Variants in FOXP1 observed in about 807,000 individuals in gnomAD.
FOXP1 encodes the protein forkhead box protein P1.
In FOXP1, 15 loss-of-function variants were observed where a neutral mutation model predicts 98.2. The observed-to-expected ratio is 0.15, with a 90% confidence interval of 0.10 to 0.24. The LOEUF (loss-of-function observed/expected upper bound fraction) is 0.24. Among genes scored for constraint, FOXP1 ranks in the 10% least tolerant of loss-of-function variants. The pLI is 1.00. For synonymous variants in FOXP1, 371 were observed against 314.5 expected (o/e 1.18, Z -1.90); for missense variants, 633 against 848.5 (o/e 0.75, Z 3.15).
chr3:71,263,031 A>G (rs1307420099), intron 5 of FOXP1, among the ~76,000 whole-genome samples: 2 of 152,208 alleles, frequency 1.3e-5, no homozygotes, highest in Non-Finnish European at 2.9e-5. Flanking sequence ...AGTGCCTGGA[A>G]GAGTTCAGGA....
intron 2 of FOXP1, among the ~76,000 whole-genome samples, chr3:71,557,020 T>C (rs2107704749): frequency 6.6e-6 from 1 of 152,330 alleles, no homozygotes; most frequent in East Asian, 1.9e-4. Context: ...GATATAATGT[T>C]AAGTGAAAAT....
chr3:71,474,344 A>G (rs146051980), intron 3 of FOXP1, among the ~76,000 whole-genome samples: 1 of 152,350 alleles, frequency 6.6e-6, no homozygotes, highest in East Asian at 1.9e-4. Context: ...GTTTTTGAAG[A>G]AAGATAAATT....
rs190630763 is a variant in FOXP1 at position 71,309,372 on chromosome 3, C to T, written c.-72-9492G>A. Among the ~76,000 whole-genome samples the T allele has an allele frequency of 9.2e-5, 14 of 151,530 alleles. No individual in the cohort carries two copies. The South Asian group carries it at 2.7e-3, about 29-fold the overall frequency. On this transcript the variant is annotated intron_variant, in intron 4 of 20. Coordinates refer to ENST00000649528, the MANE Select transcript of FOXP1 (RefSeq NM_001349338.3). ...AATATTTTTATGAACACACTGTTGA[C>T]TTCACAAGTTTATAACGTAATTTTT... is the stretch of plus-strand genomic sequence containing the variant.
At chr3:71,294,783 T>C (rs370894426) in intron 5 of FOXP1, among the ~76,000 whole-genome samples, 5 of 152,222 alleles carry the variant, frequency 3.3e-5, no homozygotes, top group African/African-American at 1.2e-4. Context: ...CTGGGCCTTA[T>C]GACCACAATC....
intron 3 of FOXP1, among the ~76,000 whole-genome samples, chr3:71,370,786 GT>G (rs1219667896): frequency 1.5e-5 from 2 of 135,988 alleles, no homozygotes; most frequent in African/African-American, 5.2e-5. Context: ...CAACCCTAGA[GT>G]TTTTTTTGTT....
chr3:71,479,204 T>C (rs529310871), intron 3 of FOXP1, among the ~76,000 whole-genome samples: 1 of 152,198 alleles, frequency 6.6e-6, no homozygotes, highest in Non-Finnish European at 1.5e-5. Context: ...TTACCACCTT[T>C]ACTTCTACAC....
chr3:71,489,082 T>C lies in FOXP1; in HGVS notation c.-168+4344A>G, dbSNP rs1275583898. Among the ~76,000 whole-genome samples the C allele has an allele frequency of 1.3e-5, 2 of 152,094 alleles. 1 individual carries two copies. The highest frequency in any genetic ancestry group is 3.9e-4 in the East Asian group (2 of 5,176). On this transcript the variant is annotated intron_variant, in intron 3 of 20. Transcript: ENST00000649528. ...GCCCAAGGTACCTGCCAGCTGCACATACCTTCTGGAAGCTGCGCCACCACC... is the reference window on the plus strand; with the variant it reads ...GCCCAAGGTACCTGCCAGCTGCACACACCTTCTGGAAGCTGCGCCACCACC...
intron 20 of FOXP1, among the ~76,000 whole-genome samples, chr3:70,963,758 C>T (rs751597231): frequency 1.3e-5 from 2 of 152,140 alleles, no homozygotes; most frequent in South Asian, 2.1e-4. Context: ...GCTCCTTTAG[C>T]GCCTATCAGG....
At chr3:71,040,345 G>A (rs1233956329) in intron 11 of FOXP1, 1 of 152,116 alleles carries the variant, frequency 6.6e-6, no homozygotes, top group East Asian at 1.9e-4. Flanking sequence ...GAGAGAAATG[G>A]CATTTACTGT....
intron 11 of FOXP1, among the ~76,000 whole-genome samples, chr3:71,033,584 C>A (rs2047158270): frequency 7.4e-6 from 1 of 136,030 alleles, no homozygotes; most frequent in Non-Finnish European, 1.5e-5. Flanking sequence ...TGTTTAATCA[C>A]CCCACAAAGT....
At chr3:71,055,476 G>C (rs1363612299) in intron 7 of FOXP1, among the ~76,000 whole-genome samples, 1 of 152,134 alleles carries the variant, frequency 6.6e-6, no homozygotes, top group Non-Finnish European at 1.5e-5. Context: ...ATTTTCATAT[G>C]CAAAATGGGA....
intron 2 of FOXP1, among the ~76,000 whole-genome samples, chr3:71,516,302 G>A (rs1386358587): frequency 6.6e-6 from 1 of 152,174 alleles, no homozygotes; most frequent in South Asian, 2.1e-4. Flanking sequence ...GTGCACACGT[G>A]TGTGTATCTG....
At chr3:71,550,878 C>G in intron 2 of FOXP1, among the ~76,000 whole-genome samples, 1 of 152,300 alleles carries the variant, frequency 6.6e-6, no homozygotes, top group Non-Finnish European at 1.5e-5. Flanking sequence ...CCGAGAGGCC[C>G]CCTTCAAACA....
At chr3:71,396,916 GTGTATATATA>G (rs1400641777) in intron 3 of FOXP1, among the ~76,000 whole-genome samples, 1 of 89,394 alleles carries the variant, frequency 1.1e-5, no homozygotes, top group Non-Finnish European at 2.3e-5. Flanking sequence ...ATATATATGT[GTGTATATATA>G]TATATATACA....
intron 16 of FOXP1, 120 bp from the exon 17 acceptor site, chr3:70,977,162 C>A: frequency 1.4e-6 from 1 of 725,962 alleles, no homozygotes; most frequent in Non-Finnish European, 2.5e-6. Flanking sequence ...AAAGGTTTTA[C>A]AAAATGATCT....
At chr3:71,512,347 C>T (rs2042259109) in intron 2 of FOXP1, among the ~76,000 whole-genome samples, 1 of 152,134 alleles carries the variant, frequency 6.6e-6, no homozygotes, top group African/African-American at 2.4e-5. Flanking sequence ...TAAGAGCAGA[C>T]ACACCCTGTA....
At chr3:71,199,215 C>T (rs149216041) in intron 5 of FOXP1, among the ~76,000 whole-genome samples, 24,051 of 151,748 alleles carry the variant, frequency 0.16, 2,255 homozygotes, top group Middle Eastern at 0.3. Flanking sequence ...AGCAATTCTC[C>T]TGCTTCAGAC....
intron 3 of FOXP1, among the ~76,000 whole-genome samples, chr3:71,475,062 C>G (rs2089704348): frequency 6.6e-6 from 1 of 152,082 alleles, no homozygotes; most frequent in African/African-American, 2.4e-5. Flanking sequence ...TTTCTCTTCT[C>G]CATCCTATGG....
intron 5 of FOXP1, among the ~76,000 whole-genome samples, chr3:71,210,328 T>G (rs1005570837): frequency 6.6e-6 from 1 of 152,194 alleles, no homozygotes; most frequent in Non-Finnish European, 1.5e-5. Context: ...TGTTTTTGTT[T>G]TGTTGCTCTG....
Sources: allele counts gnomAD v4.1 joint callset (sites outside exome capture counted in the v4.1 genomes callset), GRCh38; gene constraint gnomAD v4.1.1; transcripts MANE v1.5; gene names NCBI Gene and HGNC (gene_info 2026-07-23, HGNC 2026-07-21).